The following WWOX variants were observed in gnomAD, a reference collection of about 807,000 sequenced individuals.
WWOX encodes the protein WW domain-containing oxidoreductase.
In WWOX, 69 loss-of-function variants were observed where a neutral mutation model predicts 46.2. The observed-to-expected ratio is 1.49, with a 90% CI of 1.23 to 1.82. The LOEUF (loss-of-function observed/expected upper bound fraction) is 1.82, where lower values mean the gene tolerates loss of function less well. Ranked by LOEUF, WWOX falls within the 40% of genes most tolerant of loss-of-function variation. The pLI is 0.00. For synonymous variants in WWOX, 359 were observed against 202.6 expected, an observed-to-expected ratio of 1.77 and a Z score of -6.56; for missense variants, 919 against 542.6, an observed-to-expected ratio of 1.69 and a Z score of -6.89.
chr16:78,454,366 G>C (rs796663450), intron 8 of WWOX, among the ~76,000 whole-genome samples: 5 of 117,288 alleles, frequency 4.3e-5, no homozygotes, highest in Non-Finnish European at 6.6e-5. Flanking sequence ...TCGTGTGTGT[G>C]TGTGTGTGTG....
At chr16:78,830,851 T>C (rs1201209885) in intron 8 of WWOX, among the ~76,000 whole-genome samples, 1 of 152,074 alleles carries the variant, frequency 6.6e-6, no homozygotes, top group Admixed American at 6.6e-5. Flanking sequence ...AGAGTGTCCT[T>C]TTCTTTCTCC....
rs528206587 is a variant in WWOX, at chr16:79,066,799, A to G, written c.1057-144809A>G. Among the ~76,000 whole-genome samples, 12 of 152,300 alleles carry G rather than the reference A, an allele frequency of 7.9e-5. 1 individual carries two copies. The highest frequency in any genetic ancestry group is 2.9e-4 in the African/African-American group (12 of 41,574). On this transcript the variant is annotated intron_variant, in intron 8 of 8. Transcript: ENST00000566780. ...CTCTGGCAATGGTCCAGGTCAAACG[A>G]GGTACCATACAAATGTGGCTTGTCA... is the stretch of plus-strand genomic sequence containing the variant.
chr16:78,753,685 C>G (rs1207009470), intron 8 of WWOX, among the ~76,000 whole-genome samples: 2 of 150,256 alleles, frequency 1.3e-5, no homozygotes, highest in African/African-American at 2.4e-5. Flanking sequence ...ACCTGTAGTC[C>G]CAGGTACTCA....
intron 8 of WWOX, among the ~76,000 whole-genome samples, chr16:79,012,581 C>T (rs1004160127): frequency 1.3e-5 from 2 of 152,084 alleles, no homozygotes; most frequent in Admixed American, 6.5e-5. Context: ...TTTGAAGATC[C>T]ACATATGGCT....
chr16:78,998,120 G>A (rs1032481926), intron 8 of WWOX, among the ~76,000 whole-genome samples: 2 of 152,136 alleles, frequency 1.3e-5, no homozygotes, highest in African/African-American at 2.4e-5. Context: ...AGGTGATCCC[G>A]CCCGCCTCGG....
rs537497529 is a variant in WWOX, at chr16:78,775,460, G to C, written c.1056+342708G>C. 1.4e-3 allele frequency among the ~76,000 whole-genome samples: 219 copies of C among 152,200 alleles called. 1 individual carries two copies. The highest frequency in any genetic ancestry group is 5.2e-3 in the African/African-American group (217 of 41,536). On this transcript the variant is annotated intron_variant, in intron 8 of 8. Coordinates refer to ENST00000566780, the MANE Select transcript of WWOX (RefSeq NM_016373.4). ...TCTACTCCAAGAACTGAGATACCCAGACTCATTTCTCATCTCTTGTTGAAA... is the reference window on the plus strand; with the variant it reads ...TCTACTCCAAGAACTGAGATACCCACACTCATTTCTCATCTCTTGTTGAAA...
At chr16:78,517,127 C>T (rs1597199900) in intron 8 of WWOX, among the ~76,000 whole-genome samples, 2 of 152,182 alleles carry the variant, frequency 1.3e-5, no homozygotes, top group Admixed American at 1.3e-4. Context: ...AAATATGAAG[C>T]AGGTATCTGA....
chr16:79,158,443 G>A (rs893651468), intron 8 of WWOX, among the ~76,000 whole-genome samples: 2 of 152,116 alleles, frequency 1.3e-5, no homozygotes, highest in Admixed American at 6.5e-5. Context: ...ATCACCCAGC[G>A]GATGGCGTTT....
In WWOX at chr16:78,588,852, A is replaced by G. The variant is rs190238209; in HGVS notation, c.1056+156100A>G. On this transcript the variant is annotated intron_variant, in intron 8 of 8. Coordinates refer to ENST00000566780, the MANE Select transcript of WWOX (RefSeq NM_016373.4). ...GTGCAGGTTTACCCAGGGTGGTGGTAGTGGTGATGGGGTGGTAGTGATAGT... is the reference window on the plus strand; with the variant it reads ...GTGCAGGTTTACCCAGGGTGGTGGTGGTGGTGATGGGGTGGTAGTGATAGT... 1.2e-3 allele frequency among the ~76,000 whole-genome samples: 183 copies of G among 152,232 alleles called. 2 individuals carry two copies. The highest frequency in any genetic ancestry group is 4.2e-3 in the African/African-American group (174 of 41,562).
At chr16:78,140,484 G>A (rs955186815) in intron 4 of WWOX, among the ~76,000 whole-genome samples, 2 of 152,098 alleles carry the variant, frequency 1.3e-5, no homozygotes, top group Admixed American at 1.3e-4. Context: ...GGTGTTGGTA[G>A]GGCCATACTC....
chr16:78,781,303 A>G (rs1409415853), intron 8 of WWOX, among the ~76,000 whole-genome samples: 1 of 152,132 alleles, frequency 6.6e-6, no homozygotes, highest in African/African-American at 2.4e-5. Flanking sequence ...CTCAATTTCT[A>G]AAAAGTTGGA....
chr16:78,373,817 T>A (rs570411113), intron 5 of WWOX, among the ~76,000 whole-genome samples: 1 of 152,162 alleles, frequency 6.6e-6, no homozygotes, highest in Non-Finnish European at 1.5e-5. Flanking sequence ...TGAGACAGAG[T>A]CTCAGTGTCA....
At chr16:78,488,164 C>T (rs926618230) in intron 8 of WWOX, among the ~76,000 whole-genome samples, 1 of 152,148 alleles carries the variant, frequency 6.6e-6, no homozygotes, top group Admixed American at 6.5e-5. Flanking sequence ...CTACCTTTGG[C>T]TGGGGATGGA....
intron 8 of WWOX, among the ~76,000 whole-genome samples, chr16:78,986,257 A>G (rs1341855740): frequency 1.3e-5 from 2 of 152,350 alleles, no homozygotes; most frequent in Admixed American, 6.5e-5. Context: ...GAAAATAGTT[A>G]ATCAGTTTTA....
intron 8 of WWOX, among the ~76,000 whole-genome samples, chr16:78,837,399 T>C (rs192959947): frequency 3.2e-4 from 49 of 152,314 alleles, no homozygotes; most frequent in Admixed American, 2.0e-4. Context: ...CTGTGTGATA[T>C]TGCATCAAGG....
At chr16:78,165,283 G>A (rs922383805) in intron 5 of WWOX, among the ~76,000 whole-genome samples, 1 of 152,206 alleles carries the variant, frequency 6.6e-6, no homozygotes, top group African/African-American at 2.4e-5. Flanking sequence ...TATTCATGAA[G>A]TGCACCTCTG....
chr16:78,638,576 A>G (rs1597380960), intron 8 of WWOX, among the ~76,000 whole-genome samples: 1 of 152,274 alleles, frequency 6.6e-6, no homozygotes, highest in East Asian at 1.9e-4. Flanking sequence ...TGACTCTCAT[A>G]GAATGTGGAT....
intron 8 of WWOX, among the ~76,000 whole-genome samples, chr16:78,503,349 C>T (rs527691547): frequency 1.3e-5 from 2 of 152,186 alleles, no homozygotes; most frequent in Admixed American, 1.3e-4. Context: ...AACTGTTCCA[C>T]TTTTGTAAAT....
intron 8 of WWOX, among the ~76,000 whole-genome samples, chr16:78,913,486 G>T (rs997836945): frequency 1.3e-5 from 2 of 151,864 alleles, no homozygotes; most frequent in Non-Finnish European, 2.9e-5. Context: ...GCATGATGAT[G>T]TTGGAAGCCA....
Sources: gnomAD v4.1 joint callset for allele counts (sites outside exome capture counted in the v4.1 genomes callset) on GRCh38, gnomAD v4.1.1 for gene constraint, MANE v1.5 for transcripts, NCBI Gene and HGNC (gene_info 2026-07-23, HGNC 2026-07-21) for gene names.